TLL1: variants seen among roughly 807,000 people sequenced by gnomAD.
The protein encoded by TLL1 is tolloid like 1, also known as tolloid-like protein 1.
Under a neutral mutation model 128.2 loss-of-function variants are expected in TLL1, and 49 were observed. The observed-to-expected ratio is 0.38, with a 90% CI of 0.30 to 0.48. The LOEUF (loss-of-function observed/expected upper bound fraction) is 0.48, where lower values mean the gene tolerates loss of function less well. Ranked by LOEUF, TLL1 falls within the 20% of genes least tolerant of loss-of-function variation. The pLI is 0.96. For synonymous variants in TLL1, 454 were observed against 418.8 expected (o/e 1.08, Z -1.03); for missense variants, 1,123 against 1,242.0 (o/e 0.90, Z 1.44).
At position 166,100,968 on chromosome 4, in the gene TLL1, A is replaced by G; in HGVS notation, c.*92A>G. The G allele has an allele frequency of 8.0e-6, 12 of 1,507,868 alleles. No individual in the cohort carries two copies. Among genetic ancestry groups the G allele is most frequent in the Non-Finnish European group, 1.1e-5 (12 of 1,111,042 alleles). 93.4% of individuals were successfully genotyped at this position (1,507,868 alleles called of 1,614,324 possible). ...CTGAAGATATTGGCACAAATGTTTT[A>G]TACAAAGAGTTTGAACAAAAAATCC... On this transcript the variant is annotated 3_prime_UTR_variant, in exon 21 of 21. Transcript: ENST00000061240.
chr4:165,942,408 G>A (rs1177975592), intron 1 of TLL1, among the ~76,000 whole-genome samples: 2 of 151,776 alleles, frequency 1.3e-5, no homozygotes, highest in Admixed American at 1.3e-4. Flanking sequence ...GGGCTCCCAT[G>A]TCATTCTTCA....
At chr4:165,964,431 T>G (rs1466753496) in intron 1 of TLL1, among the ~76,000 whole-genome samples, 1 of 152,236 alleles carries the variant, frequency 6.6e-6, no homozygotes, top group Non-Finnish European at 1.5e-5. Flanking sequence ...TAGGTATGTT[T>G]GTCTGTGACT....
intron 5 of TLL1, among the ~76,000 whole-genome samples, chr4:165,998,752 G>A (rs988560514): frequency 5.9e-5 from 9 of 151,424 alleles, no homozygotes; most frequent in African/African-American, 1.9e-4. Flanking sequence ...AGCCGAGATT[G>A]CACCACTGCA....
chr4:165,984,098 A>G (rs935944759), intron 1 of TLL1, among the ~76,000 whole-genome samples: 4 of 151,910 alleles, frequency 2.6e-5, no homozygotes, highest in Admixed American at 1.3e-4. Flanking sequence ...AAACACTAAA[A>G]TAATGGACTG....
At chr4:165,933,858 T>TG (rs1349080796) in intron 1 of TLL1, among the ~76,000 whole-genome samples, 2 of 152,302 alleles carry the variant, frequency 1.3e-5, no homozygotes, top group South Asian at 2.1e-4. Context: ...CAACACTTGA[T>TG]GTGGGAGCTG....
At chr4:166,042,710 T>A (rs1012302899) in intron 11 of TLL1, among the ~76,000 whole-genome samples, 1 of 152,232 alleles carries the variant, frequency 6.6e-6, no homozygotes, top group Admixed American at 6.5e-5. Context: ...CACTTCCTAG[T>A]ACAGCAGTTT....
intron 1 of TLL1, among the ~76,000 whole-genome samples, chr4:165,922,705 T>A (rs1011586435): frequency 3.3e-5 from 5 of 152,222 alleles, no homozygotes; most frequent in African/African-American, 1.2e-4. Context: ...AAGAGACTAG[T>A]ATTTGAGAAA....
chr4:166,101,121 T>G lies in TLL1; in HGVS notation c.*245T>G. On this transcript the variant is annotated 3_prime_UTR_variant, in exon 21 of 21. Coordinates refer to ENST00000061240, the MANE Select transcript of TLL1 (RefSeq NM_012464.5). ...AGCTGGTGAAAGGGCATCATATACT[T>G]CAAGGAAGACTCTACAAGCTTTTGT... 1 of 469,628 alleles carries G rather than the reference T, an allele frequency of 2.1e-6. No homozygotes were observed. The allele number at this position is 469,628 out of a possible 1,614,324, so 29.1% of individuals were successfully genotyped here.
At chr4:166,041,527 T>G in intron 10 of TLL1, among the ~76,000 whole-genome samples, 1 of 151,922 alleles carries the variant, frequency 6.6e-6, no homozygotes, top group African/African-American at 2.4e-5. Context: ...TCTCGATTTC[T>G]TGACCTTATG....
chr4:166,059,481 A>G (rs1740189257), intron 14 of TLL1, among the ~76,000 whole-genome samples: 1 of 152,090 alleles, frequency 6.6e-6, no homozygotes, highest in East Asian at 1.9e-4. Flanking sequence ...AATATGCTCT[A>G]TTTACCATAA....
chr4:166,042,816 GAT>G (rs539882007), intron 11 of TLL1, among the ~76,000 whole-genome samples: 21 of 152,164 alleles, frequency 1.4e-4, no homozygotes, highest in Non-Finnish European at 2.6e-4. Context: ...TAGTGAAGAG[GAT>G]TATTTGGAGG....
At position 165,974,133 on chromosome 4, in the gene TLL1, C is replaced by CTTTTTTTTTTTTTTT. The variant is rs199741025; in HGVS notation, c.170-15237_170-15223dup. ...CTTAGGATTAAGTCCTGGACCTCAT[C>CTTTTTTTTTTTTTTT]TTTTTTTTTTTTTTTTTTTTTTTTT... On this transcript the variant is annotated intron_variant, in intron 1 of 20. Transcript: ENST00000061240. 3.3e-5 allele frequency among the ~76,000 whole-genome samples: 2 copies of CTTTTTTTTTTTTTTT among 60,748 alleles called. 1 individual carries two copies. The highest frequency in any genetic ancestry group is 1.8e-4 in the African/African-American group (2 of 11,406). The allele number at this position is 60,748 out of a possible 152,430, so 39.9% of individuals were successfully genotyped here.
intron 1 of TLL1, among the ~76,000 whole-genome samples, chr4:165,889,045 A>G (rs1225367920): frequency 6.6e-6 from 1 of 152,164 alleles, no homozygotes; most frequent in African/African-American, 2.4e-5. Context: ...TCTGTCATCT[A>G]TTGATACATT....
intron 2 of TLL1, among the ~76,000 whole-genome samples, chr4:165,990,352 C>A (rs1353364205): frequency 1.3e-5 from 2 of 151,736 alleles, no homozygotes; most frequent in African/African-American, 2.4e-5. Flanking sequence ...TTTATTTTCT[C>A]CTATTCTGTG....
intron 12 of TLL1, 144 bp downstream of exon 12, chr4:166,043,563 C>A: frequency 8.2e-7 from 1 of 1,219,576 alleles, no homozygotes; most frequent in Non-Finnish European, 1.2e-6. Context: ...TAAAATGCAA[C>A]ATCAAGAGCA....
rs76266081 is a variant in TLL1 at position 165,960,795 on chromosome 4, C to T, written c.170-28586C>T. Reference sequence around the variant, plus strand: ...TAAAAACCCTCAACAAACTAGGCATCGAAGAAACATGTCTCAGAATAATAA... The same window carrying T: ...TAAAAACCCTCAACAAACTAGGCATTGAAGAAACATGTCTCAGAATAATAA... On this transcript the variant is annotated intron_variant, in intron 1 of 20. Coordinates refer to ENST00000061240, the MANE Select transcript of TLL1 (RefSeq NM_012464.5). Among the ~76,000 whole-genome samples, 911 of 152,070 alleles carry T rather than the reference C, an allele frequency of 6.0e-3. 13 individuals carry two copies. Among genetic ancestry groups the T allele is most frequent in the African/African-American group, 0.02 (838 of 41,498 alleles).
chr4:165,897,662 CTT>C (rs951819686), intron 1 of TLL1, among the ~76,000 whole-genome samples: 120 of 47,522 alleles, frequency 2.5e-3, no homozygotes, highest in African/African-American at 0.01. Flanking sequence ...GGTAGTCCAG[CTT>C]TTTTTTTTTT....
At chr4:166,021,693 A>G (rs1198877018) in intron 8 of TLL1, among the ~76,000 whole-genome samples, 1 of 152,044 alleles carries the variant, frequency 6.6e-6, no homozygotes, top group African/African-American at 2.4e-5. Flanking sequence ...GGCCTCGCAA[A>G]CTGCTGGGAT....
chr4:166,033,748 G>T (rs535442301), intron 9 of TLL1, among the ~76,000 whole-genome samples: 1 of 152,192 alleles, frequency 6.6e-6, no homozygotes, highest in Admixed American at 6.6e-5. Flanking sequence ...TCAATCTAAG[G>T]TTATCCTTGA....
Sources: gnomAD v4.1 joint callset for allele counts (sites outside exome capture counted in the v4.1 genomes callset) on GRCh38, gnomAD v4.1.1 for gene constraint, MANE v1.5 for transcripts, NCBI Gene and HGNC (gene_info 2026-07-23, HGNC 2026-07-21) for gene names.